The following ITGA4 variants were observed in gnomAD, a reference collection of about 807,000 sequenced individuals.
ITGA4 encodes integrin subunit alpha 4, also known as integrin alpha-4.
A neutral mutation model predicts 133.6 loss-of-function variants in ITGA4; 63 were observed. The observed-to-expected ratio is 0.47, with a 90% confidence interval of 0.38 to 0.58. The LOEUF is 0.58. ITGA4 is among the 20% of genes least tolerant of loss of function. The probability of loss-of-function intolerance (pLI) is 0.00; values close to 1 mark genes in which losing one functional copy is unlikely to be tolerated. For synonymous variants in ITGA4, 483 were observed against 438.0 expected (o/e 1.10, Z -1.28); for missense variants, 1,076 against 1,252.7 (o/e 0.86, Z 2.13).
chr2:181,465,732 G>GA (rs1685395587), intron 2 of ITGA4, among the ~76,000 whole-genome samples: 2 of 152,094 alleles, frequency 1.3e-5, no homozygotes, highest in African/African-American at 4.8e-5. Flanking sequence ...GTCCATAGTT[G>GA]AAAATAATGG....
rs1346569994 is a variant in ITGA4, at chr2:181,499,832, T to C, written c.1695+1055T>C. Among the ~76,000 whole-genome samples the C allele has an allele frequency of 4.6e-5, 7 of 152,282 alleles. No individual in the cohort carries two copies. The East Asian group carries it at 1.4e-3, about 29-fold the overall frequency. On this transcript the variant is annotated intron_variant, in intron 15 of 27. Coordinates refer to ENST00000397033, the MANE Select transcript of ITGA4 (RefSeq NM_000885.6). ...CCTTAGTCAATTGTAGAGACAAATATTGAAATCATTTTAAAGGCAATAAAA... is the reference window on the plus strand; with the variant it reads ...CCTTAGTCAATTGTAGAGACAAATACTGAAATCATTTTAAAGGCAATAAAA...
chr2:181,537,531 T>C lies in ITGA4; in HGVS notation c.*2004T>C, dbSNP rs1687208669. On this transcript the variant is annotated 3_prime_UTR_variant, in exon 28 of 28. Transcript: ENST00000397033. The stretch of plus-strand genomic sequence containing the variant: ...CTATATAACTATGTGATTTTGAAAT[T>C]TAACTGCTCTGGATTAGGGAGCAGT... 1 of 448,500 alleles carries C rather than the reference T, an allele frequency of 2.2e-6. No homozygotes were observed. The highest frequency in any genetic ancestry group is 2.0e-5 in the African/African-American group (1 of 49,732). 27.8% of individuals were successfully genotyped at this position (448,500 alleles called of 1,614,324 possible).
intron 4 of ITGA4, chr2:181,475,809 C>T: frequency 3.8e-6 from 6 of 1,595,176 alleles, no homozygotes; most frequent in Non-Finnish European, 5.1e-6. Context: ...CATGGTAACT[C>T]TATGCTATAG....
chr2:181,471,590 TAATG>T (rs1217908459), intron 2 of ITGA4, among the ~76,000 whole-genome samples: 1 of 152,192 alleles, frequency 6.6e-6, no homozygotes, highest in African/African-American at 2.4e-5. Flanking sequence ...ATTTGAAAAT[TAATG>T]AATCAGAAAT....
intron 4 of ITGA4, among the ~76,000 whole-genome samples, chr2:181,478,023 C>T (rs910050520): frequency 1.3e-5 from 2 of 151,946 alleles, no homozygotes; most frequent in Non-Finnish European, 2.9e-5. Context: ...TAAACATATA[C>T]AATGGAGTAT....
intron 2 of ITGA4, among the ~76,000 whole-genome samples, chr2:181,471,307 G>A (rs952838913): frequency 2.0e-5 from 3 of 151,030 alleles, no homozygotes; most frequent in South Asian, 2.1e-4. Context: ...GCTGTTTGTC[G>A]GGGGTGGGAT....
chr2:181,472,895 T>C (rs1328706461), intron 2 of ITGA4, among the ~76,000 whole-genome samples: 2 of 152,178 alleles, frequency 1.3e-5, no homozygotes, highest in Non-Finnish European at 2.9e-5. Flanking sequence ...ACCTGGACTG[T>C]TCTTTACCAA....
intron 15 of ITGA4, among the ~76,000 whole-genome samples, chr2:181,505,094 G>A (rs1008231573): frequency 6.6e-6 from 1 of 151,840 alleles, no homozygotes; most frequent in Non-Finnish European, 1.5e-5. Flanking sequence ...CCTTTTATGT[G>A]TAGATTAGGT....
chr2:181,485,792 G>GA (rs1685901241), intron 9 of ITGA4, 89 bp from the exon 10 acceptor site: 7 of 1,130,242 alleles, frequency 6.2e-6, no homozygotes, highest in African/African-American at 3.2e-5. Flanking sequence ...TGACACATTA[G>GA]AAAAAATCCA....
At position 181,522,275 on chromosome 2, in the gene ITGA4, T is replaced by C; in HGVS notation, c.2007T>C (p.Asp669=). ...LNVSLFNAGD[D]AYETTLHVKL... Reference sequence around the variant, plus strand: ...TGTCCTTGTTTAATGCTGGAGATGATGCATATGAAACGACTCTACATGTCA... The same window carrying C: ...TGTCCTTGTTTAATGCTGGAGATGACGCATATGAAACGACTCTACATGTCA... Residue 669 remains aspartate, a synonymous_variant, in exon 18 of 28, where the codon GAT becomes GAC. Transcript: ENST00000397033. 6.2e-7 allele frequency: 1 copy of C among 1,606,164 alleles called. No individual in the cohort carries two copies. The highest frequency in any genetic ancestry group is 8.5e-7 in the Non-Finnish European group (1 of 1,173,510).
intron 15 of ITGA4, among the ~76,000 whole-genome samples, chr2:181,504,714 C>T (rs1686356904): frequency 6.6e-6 from 1 of 151,916 alleles, no homozygotes; most frequent in Non-Finnish European, 1.5e-5. Flanking sequence ...CTAGCACAAT[C>T]CATTACATAA....
At position 181,523,583 on chromosome 2, in the gene ITGA4, C is replaced by T. The variant is rs770411018; in HGVS notation, c.2169+51C>T. ...TGTTCACTATCATGAATATTTTTTTCTATTCTTCCCTATCTTTAGGTTGCA... is the reference window on the plus strand; with the variant it reads ...TGTTCACTATCATGAATATTTTTTTTTATTCTTCCCTATCTTTAGGTTGCA... On this transcript the variant is annotated intron_variant, in intron 19 of 27. Transcript: ENST00000397033. The surrounding 1 kb of genome is among the most constrained non-coding windows in gnomAD (Gnocchi z 4.2). 5.2e-6 allele frequency: 5 copies of T among 958,534 alleles called. No individual in the cohort carries two copies. The highest frequency in any genetic ancestry group is 1.8e-5 in the Admixed American group (1 of 55,032). 59.4% of individuals were successfully genotyped at this position (958,534 alleles called of 1,614,324 possible). A position where few individuals can be genotyped will look rare whatever the true frequency, so the allele number is the denominator to read the frequency against.
chr2:181,489,967 T>C (rs1033734009), intron 10 of ITGA4, among the ~76,000 whole-genome samples: 3 of 152,212 alleles, frequency 2.0e-5, no homozygotes, highest in African/African-American at 7.2e-5. Context: ...AGCAATTCTG[T>C]CCCTTTTAAG....
intron 2 of ITGA4, among the ~76,000 whole-genome samples, chr2:181,462,055 TTATAAAA>T (rs1685294240): frequency 6.6e-6 from 1 of 152,202 alleles, no homozygotes; most frequent in South Asian, 2.1e-4. Context: ...CATGTGGCTA[TTATAAAA>T]TTTAAAATTT....
At chr2:181,513,800 T>A (rs543434004) in intron 17 of ITGA4, among the ~76,000 whole-genome samples, 6 of 152,262 alleles carry the variant, frequency 3.9e-5, no homozygotes, top group Admixed American at 6.5e-5. Context: ...TAACTTTTAT[T>A]TATCTTTTAA....
At chr2:181,482,052 G>A (rs1685816731) in intron 7 of ITGA4, among the ~76,000 whole-genome samples, 1 of 152,152 alleles carries the variant, frequency 6.6e-6, no homozygotes, top group South Asian at 2.1e-4. Flanking sequence ...TTTTTGCTGT[G>A]TCGCTATGTG....
At chr2:181,502,808 T>C (rs1686304655) in intron 15 of ITGA4, among the ~76,000 whole-genome samples, 1 of 152,070 alleles carries the variant, frequency 6.6e-6, no homozygotes, top group African/African-American at 2.4e-5. Context: ...GCCTGTGTGC[T>C]TGTGTTTTTT....
chr2:181,481,565 C>T, intron 6 of ITGA4, 33 bp from the exon 7 acceptor site: 1 of 1,206,638 alleles, frequency 8.3e-7, no homozygotes. Context: ...GTACTTTACC[C>T]AGGACTCTCA....
At chr2:181,527,209 T>C in intron 21 of ITGA4, 88 bp from the exon 22 acceptor site, 2 of 724,224 alleles carry the variant, frequency 2.8e-6, no homozygotes, top group Admixed American at 4.8e-5. Flanking sequence ...GACTTGTAAA[T>C]ATGCTATAAT....
Sources: allele counts gnomAD v4.1 joint callset (sites outside exome capture counted in the v4.1 genomes callset), GRCh38; gene constraint gnomAD v4.1.1; non-coding constraint Gnocchi (gnomAD v3.1); transcripts MANE v1.5; gene names NCBI Gene and HGNC (gene_info 2026-07-23, HGNC 2026-07-21).